PARP1: variants seen among roughly 807,000 people sequenced by gnomAD.
PARP1 encodes poly [ADP-ribose] polymerase 1.
In PARP1, 44 loss-of-function variants were observed where a neutral mutation model predicts 118.7. That is an observed-to-expected ratio of 0.37 (90% confidence interval 0.29 to 0.48). PARP1 has a LOEUF of 0.48. Ranked by LOEUF, PARP1 falls within the 20% of genes least tolerant of loss-of-function variation. The pLI, the probability that PARP1 is intolerant of heterozygous loss-of-function variation, is 0.99. For missense variants in PARP1, 1,100 were observed against 1,272.4 expected, an observed-to-expected ratio of 0.86 and a Z score of 2.06; for synonymous variants, 492 against 483.2, an observed-to-expected ratio of 1.02 and a Z score of -0.24.
At chr1:226,397,148 T>A (rs1664939654) in intron 2 of PARP1, among the ~76,000 whole-genome samples, 1 of 108,086 alleles carries the variant, frequency 9.3e-6, no homozygotes, top group Non-Finnish European at 1.8e-5. Flanking sequence ...ACTCTGTCTC[T>A]ATCTTAAAAA....
At chr1:226,377,708 C>G (rs943790303) in intron 12 of PARP1, among the ~76,000 whole-genome samples, 1 of 152,196 alleles carries the variant, frequency 6.6e-6, no homozygotes, top group Admixed American at 6.5e-5. Context: ...CAACTCAGAT[C>G]CAAGGCCAAG....
chr1:226,390,666 A>C (rs766802893), intron 3 of PARP1, 42 bp from the exon 4 acceptor site: 2 of 1,572,420 alleles, frequency 1.3e-6, no homozygotes, highest in South Asian at 2.2e-5. Flanking sequence ...AGCGACAAGC[A>C]AGGATAGTGA....
intron 9 of PARP1, among the ~76,000 whole-genome samples, chr1:226,380,691 CT>C (rs1664587204): frequency 6.6e-6 from 1 of 152,198 alleles, no homozygotes; most frequent in Admixed American, 6.5e-5. Flanking sequence ...AAAATACTTG[CT>C]TCATATTTAC....
chr1:226,377,355 T>C (rs771365269), intron 12 of PARP1, 52 bp from the exon 13 acceptor site: 8 of 1,377,240 alleles, frequency 5.8e-6, no homozygotes, highest in South Asian at 1.2e-5. Flanking sequence ...AGCTGTCCCA[T>C]TTCAGGAGCT....
rs201783835 is a variant in PARP1, at chr1:226,383,112, G to A, written c.1083C>T (p.Thr361=). The A allele has an allele frequency of 1.9e-6, 3 of 1,613,158 alleles. No homozygotes were observed. Among genetic ancestry groups the A allele is most frequent in the Admixed American group, 3.3e-5 (2 of 60,034 alleles). Residue 361 remains threonine (T), a synonymous_variant, in exon 8 of 23, where the codon ACC becomes ACT. Transcript: ENST00000366794. Reference sequence around the variant, plus strand: ...GAGGCGTGGCCGCCACGGAGGCGCTGGTTTCTGGGGGGAATATACGGTCCT... The same window carrying A: ...GAGGCGTGGCCGCCACGGAGGCGCTAGTTTCTGGGGGGAATATACGGTCCT... The part of the protein sequence containing the change: ...KKQDRIFPPE[T]SASVAATPPP...
chr1:226,400,171 G>A (rs1203185433), intron 2 of PARP1, among the ~76,000 whole-genome samples: 1 of 152,014 alleles, frequency 6.6e-6, no homozygotes, highest in Non-Finnish European at 1.5e-5. Context: ...GCTGGGCATG[G>A]TGGCAGGCAC....
At chr1:226,366,303 CTA>C in intron 17 of PARP1, 1 of 464,400 alleles carries the variant, frequency 2.2e-6, no homozygotes, top group East Asian at 4.0e-5. Context: ...TCTTAAAATT[CTA>C]TGTTTTGGGA....
At chr1:226,386,230 C>T (rs1664713345) in intron 6 of PARP1, 96 bp downstream of exon 6, 2 of 789,854 alleles carry the variant, frequency 2.5e-6, no homozygotes, top group South Asian at 2.7e-5. Context: ...AGCAGGTGTT[C>T]ACACGGAGGG....
intron 5 of PARP1, 111 bp from the exon 6 acceptor site, chr1:226,386,553 G>A (rs948678602): frequency 2.9e-5 from 23 of 796,878 alleles, no homozygotes; most frequent in South Asian, 4.0e-5. Context: ...GTGCACCAGC[G>A]AGCTGCCCCT....
rs774509517 is a variant in PARP1, at chr1:226,386,409, C to T, written c.751G>A (p.Glu251Lys). 6.2e-6 allele frequency: 10 copies of T among 1,613,784 alleles called. No homozygotes were observed. The highest frequency in any genetic ancestry group is 2.7e-5 in the African/African-American group (2 of 74,924). Residue 251 changes from glutamate (E) to lysine (K), a missense_variant, in exon 6 of 23, where the codon GAG becomes AAG. Glu to Lys is a moderately conservative substitution (Grantham distance 56). Transcript: ENST00000366794. ...TTAGTTGAACACACTTTCTTTAGCTCGTCCTTGATGTTCCAGATCAGGTCG... is the reference window on the plus strand; with the variant it reads ...TTAGTTGAACACACTTTCTTTAGCTTGTCCTTGATGTTCCAGATCAGGTCG... ...QNDLIWNIKD[E>K]LKKVCSTNDL...
chr1:226,393,360 T>C (rs1261855148), intron 2 of PARP1, among the ~76,000 whole-genome samples: 1 of 152,238 alleles, frequency 6.6e-6, no homozygotes, highest in Non-Finnish European at 1.5e-5. Flanking sequence ...ATCATGTTCA[T>C]GGACTGTTAA....
chr1:226,383,386 T>C (rs1234499577), intron 7 of PARP1, among the ~76,000 whole-genome samples: 1 of 152,232 alleles, frequency 6.6e-6, no homozygotes, highest in African/African-American at 2.4e-5. Flanking sequence ...CCGGTACTTT[T>C]ACATTTATAA....
intron 18 of PARP1, 71 bp from the exon 19 acceptor site, chr1:226,365,225 A>C (rs1162354082): frequency 6.6e-7 from 1 of 1,509,174 alleles, no homozygotes; most frequent in Non-Finnish European, 9.2e-7. Context: ...GAAAGACAGG[A>C]CTGGATACAC....
chr1:226,366,205 G>A, intron 17 of PARP1, 153 bp from the exon 18 acceptor site: 1 of 670,098 alleles, frequency 1.5e-6, no homozygotes, highest in Non-Finnish European at 2.7e-6. Context: ...CTGTGGGCTG[G>A]GCAGATCCTG....
chr1:226,396,352 A>T (rs200507653), intron 2 of PARP1, among the ~76,000 whole-genome samples: 4 of 150,614 alleles, frequency 2.7e-5, no homozygotes, highest in East Asian at 2.0e-4. Context: ...TCTCAAAAAA[A>T]TTTTTTTTTA....
intron 13 of PARP1, among the ~76,000 whole-genome samples, chr1:226,375,132 T>C (rs1664462704): frequency 6.6e-6 from 1 of 152,248 alleles, no homozygotes; most frequent in South Asian, 2.1e-4. Context: ...GAACCTGGAA[T>C]CAGACTGGCT....
Position 226,365,245 on chromosome 1 carries a change from C to T in PARP1, c.2506-91G>A, listed in dbSNP as rs992715294. 97 of 1,383,000 alleles carry T rather than the reference C, an allele frequency of 7.0e-5. 1 individual carries two copies. Among genetic ancestry groups the T allele is most frequent in the Middle Eastern group, 3.5e-4 (2 of 5,672 alleles). The allele number at this position is 1,383,000 out of a possible 1,614,324, so 85.7% of individuals were successfully genotyped here. On this transcript the variant is annotated intron_variant, in intron 18 of 22. Transcript: ENST00000366794. ...ACAGGACTGGATACACGAGAAATGA[C>T]CGGCTGTCCCTAAGGCTAGAAGACT...
At chr1:226,378,318 A>G (rs867283936) in intron 12 of PARP1, among the ~76,000 whole-genome samples, 5 of 151,950 alleles carry the variant, frequency 3.3e-5, no homozygotes, top group East Asian at 3.9e-4. Context: ...GCCTAGAAAC[A>G]TAAGGACAAA....
chr1:226,383,049 G>C lies in PARP1; in HGVS notation c.1146C>G (p.Ser382=), dbSNP rs138576809. The C allele has an allele frequency of 2.5e-4, 408 of 1,612,678 alleles. No individual in the cohort carries two copies. The highest frequency in any genetic ancestry group is 1.8e-3 in the Middle Eastern group (9 of 4,978). The change falls in exon 8 of 23, where the codon TCC becomes TCG. Residue 382 remains serine (S), a synonymous_variant. Transcript: ENST00000366794. ...STASAPAAVN[S]SASADKPLSN... ...CAAATGCTGTACCTGCTGAAGCAGA[G>C]GAGTTCACAGCAGCAGGAGCCGAGG...
Sources: allele counts gnomAD v4.1 joint callset (sites outside exome capture counted in the v4.1 genomes callset), GRCh38; gene constraint gnomAD v4.1.1; transcripts MANE v1.5; gene names NCBI Gene and HGNC (gene_info 2026-07-23, HGNC 2026-07-21).